The following LRRC4C variants were observed in gnomAD, a reference collection of about 807,000 sequenced individuals.
LRRC4C encodes leucine-rich repeat-containing protein 4C.
In LRRC4C, 5 loss-of-function variants were observed where a neutral mutation model predicts 33.6. That is an observed-to-expected ratio of 0.15 (90% CI 0.08 to 0.31). The LOEUF (loss-of-function observed/expected upper bound fraction) is 0.31, where lower values mean the gene tolerates loss of function less well. Among genes scored for constraint, LRRC4C ranks in the 10% least tolerant of loss-of-function variants. The pLI is 1.00. For synonymous variants in LRRC4C, 329 were observed against 302.0 expected (o/e 1.09, Z -0.93); for missense variants, 560 against 796.7 (o/e 0.70, Z 3.58).
At chr11:40,609,661 T>G (rs1444689287) in intron 3 of LRRC4C, among the ~76,000 whole-genome samples, 1 of 151,530 alleles carries the variant, frequency 6.6e-6, no homozygotes, top group African/African-American at 2.4e-5. Context: ...ATCTTTAAAC[T>G]AGGAAAAAAG....
At chr11:40,410,738 A>C (rs1270800781) in intron 3 of LRRC4C, among the ~76,000 whole-genome samples, 1 of 152,122 alleles carries the variant, frequency 6.6e-6, no homozygotes, top group African/African-American at 2.4e-5. Flanking sequence ...TAGCCAGGTA[A>C]AAGTTCTAAA....
intron 1 of LRRC4C, among the ~76,000 whole-genome samples, chr11:40,941,683 C>A (rs1958154305): frequency 6.6e-6 from 1 of 152,014 alleles, no homozygotes; most frequent in African/African-American, 2.4e-5. Flanking sequence ...TTGTTTTAAC[C>A]TAAACAATTC....
intron 1 of LRRC4C, among the ~76,000 whole-genome samples, chr11:41,440,010 T>A (rs1253433811): frequency 1.3e-5 from 2 of 152,186 alleles, no homozygotes. Flanking sequence ...ATTTGTCTAG[T>A]TTTATTTTTG....
In LRRC4C at chr11:40,979,465, T is replaced by C. The variant is rs575873733; in HGVS notation, c.-495-45742A>G. The stretch of plus-strand genomic sequence containing the variant: ...ATCTTGGCTTACATTACAACAGGGC[T>C]ATATTGGAGTCAGTTGGCCTATAAC... On this transcript the variant is annotated intron_variant, in intron 1 of 6. Transcript: ENST00000528697. Among the ~76,000 whole-genome samples the C allele has an allele frequency of 2.0e-5, 3 of 152,322 alleles. No individual in the cohort carries two copies. In the East Asian group the frequency reaches 5.8e-4, roughly 29 times the overall value.
At chr11:40,463,146 G>A (rs1952483635) in intron 3 of LRRC4C, among the ~76,000 whole-genome samples, 1 of 152,070 alleles carries the variant, frequency 6.6e-6, no homozygotes, top group African/African-American at 2.4e-5. Flanking sequence ...CTCGCAAGTT[G>A]CTTGATTTAC....
chr11:41,082,073 A>G (rs1406517521), intron 1 of LRRC4C, among the ~76,000 whole-genome samples: 2 of 152,164 alleles, frequency 1.3e-5, no homozygotes, highest in African/African-American at 4.8e-5. Flanking sequence ...CGCTTGTCTC[A>G]TCCCCTGAGA....
rs59205744 is a variant in LRRC4C, at chr11:40,717,273, A to AT, written c.-406-68996dup. ...TTTAAGTTTTTTCAAATGTATGTGT[A>AT]TTTTTTTTTTTTTTCAAGAAAATGA... On this transcript the variant is annotated intron_variant, in intron 2 of 6. Coordinates refer to ENST00000528697, the MANE Select transcript of LRRC4C (RefSeq NM_001258419.2). 4.4e-3 allele frequency among the ~76,000 whole-genome samples: 628 copies of AT among 141,500 alleles called. 1 individual carries two copies. The highest frequency in any genetic ancestry group is 1.0e-2 in the African/African-American group (390 of 39,178). The allele number at this position is 141,500 out of a possible 152,430, so 92.8% of individuals were successfully genotyped here.
At chr11:41,192,895 C>T (rs751062825) in intron 1 of LRRC4C, among the ~76,000 whole-genome samples, 7 of 151,906 alleles carry the variant, frequency 4.6e-5, no homozygotes, top group South Asian at 2.1e-4. Context: ...CCATAAGTCC[C>T]GAGATGCCAT....
chr11:40,615,285 T>C (rs1313005421), intron 3 of LRRC4C, among the ~76,000 whole-genome samples: 1 of 132,740 alleles, frequency 7.5e-6, no homozygotes, highest in Non-Finnish European at 1.6e-5. Context: ...CACACATATG[T>C]ATATTCACAT....
intron 1 of LRRC4C, among the ~76,000 whole-genome samples, chr11:41,254,091 TATAA>T (rs1470126395): frequency 6.6e-6 from 1 of 152,090 alleles, no homozygotes; most frequent in Admixed American, 6.6e-5. Flanking sequence ...CCACTCACTG[TATAA>T]ATATATAAGG....
At chr11:40,936,430 C>T (rs1226134789) in intron 1 of LRRC4C, among the ~76,000 whole-genome samples, 1 of 150,196 alleles carries the variant, frequency 6.7e-6, no homozygotes, top group Admixed American at 6.7e-5. Context: ...CTCCGCCTCC[C>T]AGGTTTACGC....
intron 4 of LRRC4C, among the ~76,000 whole-genome samples, chr11:40,302,280 T>C (rs1944811483): frequency 6.6e-6 from 1 of 152,232 alleles, no homozygotes; most frequent in Admixed American, 6.5e-5. Flanking sequence ...AGAATATTTA[T>C]GGAAGTTCGC....
intron 3 of LRRC4C, among the ~76,000 whole-genome samples, chr11:40,353,760 C>T (rs11499846): frequency 0.13 from 20,005 of 152,116 alleles, 1,787 homozygotes; most frequent in African/African-American, 0.25. Context: ...GATAGGATTT[C>T]GAATTACTTC....
chr11:41,436,635 ATAAT>A (rs1407079810), intron 1 of LRRC4C, among the ~76,000 whole-genome samples: 7 of 152,344 alleles, frequency 4.6e-5, no homozygotes, highest in Non-Finnish European at 4.4e-5. Context: ...TACATGTGGC[ATAAT>A]CATCACAGAG....
intron 2 of LRRC4C, among the ~76,000 whole-genome samples, chr11:40,726,215 C>T (rs909900921): frequency 1.5e-4 from 23 of 150,992 alleles, no homozygotes; most frequent in African/African-American, 5.6e-4. Flanking sequence ...CCAAATTCTA[C>T]TAGATGTACA....
intron 1 of LRRC4C, among the ~76,000 whole-genome samples, chr11:41,388,018 G>T (rs540338655): frequency 1.9e-4 from 29 of 151,634 alleles, no homozygotes; most frequent in Non-Finnish European, 4.0e-4. Context: ...TCTCTGAAAG[G>T]CATCAAAAGA....
At chr11:40,662,826 T>A (rs1495299) in intron 2 of LRRC4C, among the ~76,000 whole-genome samples, 1 of 152,068 alleles carries the variant, frequency 6.6e-6, no homozygotes, top group East Asian at 1.9e-4. Context: ...ACCTACTTCA[T>A]AGTATTTGTG....
chr11:41,296,865 A>C lies in LRRC4C; in HGVS notation c.-496+162566T>G, dbSNP rs539809180. Among the ~76,000 whole-genome samples the C allele has an allele frequency of 2.0e-5, 3 of 152,328 alleles. No homozygotes were observed. The South Asian group carries it at 6.2e-4, about 32-fold the overall frequency. ...TTCTTCTTATCATTTCAGTGATATT[A>C]GATAATAAAAAGTACTTCTTGAATT... On this transcript the variant is annotated intron_variant, in intron 1 of 6. Transcript: ENST00000528697.
At chr11:40,147,024 A>G (rs1857793080) in intron 5 of LRRC4C, among the ~76,000 whole-genome samples, 1 of 152,160 alleles carries the variant, frequency 6.6e-6, no homozygotes, top group East Asian at 1.9e-4. Context: ...GATTTAATCC[A>G]CTAGAAAATG....
Sources: gnomAD v4.1 joint callset for allele counts (sites outside exome capture counted in the v4.1 genomes callset) on GRCh38, gnomAD v4.1.1 for gene constraint, MANE v1.5 for transcripts, NCBI Gene and HGNC (gene_info 2026-07-23, HGNC 2026-07-21) for gene names.